ADGRB3: variants seen among roughly 807,000 people sequenced by gnomAD.
The protein encoded by ADGRB3 is brain-specific angiogenesis inhibitor 3.
ADGRB3 carries 37 observed loss-of-function variants against 193.4 expected under a neutral mutation model. The observed-to-expected ratio is 0.19, with a 90% CI of 0.15 to 0.25. ADGRB3 has a LOEUF of 0.25. ADGRB3 is among the 10% of genes least tolerant of loss of function. The pLI, the probability that ADGRB3 is intolerant of heterozygous loss-of-function variation, is 1.00. For synonymous variants in ADGRB3, 690 were observed against 644.2 expected, an observed-to-expected ratio of 1.07 and a Z score of -1.08; for missense variants, 1,637 against 1,852.9, an observed-to-expected ratio of 0.88 and a Z score of 2.14.
rs562203367 is a variant in ADGRB3 at position 68,847,835 on chromosome 6, T to C, written c.758-82724T>C. ...ATGAAATCAAAAGGAGTAAGTAAAA[T>C]GTAGAAAGTAAGTTCAGAAGGAAGT... is the stretch of plus-strand genomic sequence containing the variant. On this transcript the variant is annotated intron_variant, in intron 3 of 31. Coordinates refer to ENST00000370598, the MANE Select transcript of ADGRB3 (RefSeq NM_001704.3). 7.9e-5 allele frequency among the ~76,000 whole-genome samples: 12 copies of C among 151,474 alleles called. No homozygotes were observed. The East Asian group carries it at 2.1e-3, about 27-fold the overall frequency.
In ADGRB3 at chr6:68,729,132, C is replaced by T. The variant is rs141895678; in HGVS notation, c.757+89700C>T. Among the ~76,000 whole-genome samples, 219 of 151,584 alleles carry T rather than the reference C, an allele frequency of 1.4e-3. 2 individuals carry two copies. The highest frequency in any genetic ancestry group is 4.8e-3 in the African/African-American group (200 of 41,434). On this transcript the variant is annotated intron_variant, in intron 3 of 31. Transcript: ENST00000370598. ...AGGTTAATAAAAAGCATAATTAAAA[C>T]GGAGATATAAGTCATCTCACAGGAG...
At chr6:69,188,297 A>C (rs1765110044) in intron 17 of ADGRB3, among the ~76,000 whole-genome samples, 2 of 151,852 alleles carry the variant, frequency 1.3e-5, no homozygotes, top group Non-Finnish European at 2.9e-5. Flanking sequence ...CTATGTCTCC[A>C]TCCTGGAATT....
chr6:69,004,634 G>A (rs1023561099), intron 11 of ADGRB3, among the ~76,000 whole-genome samples: 12 of 144,694 alleles, frequency 8.3e-5, no homozygotes, highest in South Asian at 2.1e-4. Flanking sequence ...TCATTGTTCA[G>A]TTCCCACCTA....
intron 3 of ADGRB3, among the ~76,000 whole-genome samples, chr6:68,768,318 G>A (rs139324051): frequency 0.016 from 2,455 of 152,178 alleles, 60 homozygotes; most frequent in African/African-American, 0.054. Context: ...AACCAAAACA[G>A]CATGGTACTG....
intron 29 of ADGRB3, among the ~76,000 whole-genome samples, chr6:69,365,721 C>A (rs1314224013): frequency 1.3e-5 from 2 of 152,016 alleles, no homozygotes; most frequent in African/African-American, 2.4e-5. Flanking sequence ...TTTGTAATGG[C>A]CAGAAAGGAC....
intron 17 of ADGRB3, among the ~76,000 whole-genome samples, chr6:69,129,461 A>C (rs1582483390): frequency 6.6e-6 from 1 of 152,064 alleles, no homozygotes. Flanking sequence ...ACAAATAAGG[A>C]GAAAAGAGTT....
intron 30 of ADGRB3, among the ~76,000 whole-genome samples, chr6:69,379,853 A>G (rs1005378880): frequency 2.0e-5 from 3 of 152,020 alleles, no homozygotes; most frequent in South Asian, 4.1e-4. Context: ...TTTCTAGGTA[A>G]CAAGGGCCCC....
intron 16 of ADGRB3, among the ~76,000 whole-genome samples, chr6:69,072,164 C>T (rs980920981): frequency 7.2e-5 from 11 of 151,998 alleles, no homozygotes; most frequent in African/African-American, 2.2e-4. Flanking sequence ...TTCAAATGTT[C>T]GAACTATTGA....
At chr6:69,155,992 CA>C (rs1453965374) in intron 17 of ADGRB3, among the ~76,000 whole-genome samples, 1 of 151,872 alleles carries the variant, frequency 6.6e-6, no homozygotes, top group Non-Finnish European at 1.5e-5. Context: ...AAAATAAACA[CA>C]AAATAATTAT....
At chr6:69,094,964 T>G (rs1772831994) in intron 17 of ADGRB3, among the ~76,000 whole-genome samples, 1 of 152,186 alleles carries the variant, frequency 6.6e-6, no homozygotes, top group Non-Finnish European at 1.5e-5. Context: ...TTAAGCTACG[T>G]GAAGAGAACA....
intron 3 of ADGRB3, among the ~76,000 whole-genome samples, chr6:68,852,205 G>T (rs1242080078): frequency 1.3e-5 from 2 of 151,738 alleles, no homozygotes; most frequent in Admixed American, 1.3e-4. Context: ...AATCATGAGT[G>T]TCCAGATTTA....
At chr6:69,211,193 A>G (rs923475737) in intron 17 of ADGRB3, among the ~76,000 whole-genome samples, 3 of 152,248 alleles carry the variant, frequency 2.0e-5, no homozygotes, top group South Asian at 2.1e-4. Context: ...GAAAAGGGAG[A>G]AAGTTCTCTT....
intron 26 of ADGRB3, among the ~76,000 whole-genome samples, chr6:69,351,040 T>C (rs1769210967): frequency 6.6e-6 from 1 of 152,020 alleles, no homozygotes; most frequent in South Asian, 2.1e-4. Context: ...TTCCTGACAG[T>C]GTTGGACAAA....
intron 17 of ADGRB3, among the ~76,000 whole-genome samples, chr6:69,197,440 T>A (rs1765326084): frequency 1.3e-5 from 2 of 152,040 alleles, no homozygotes; most frequent in Non-Finnish European, 2.9e-5. Context: ...TGTTGAATTT[T>A]TAAGTTACCT....
At chr6:68,930,787 A>AT (rs940257297) in intron 4 of ADGRB3, 118 bp downstream of exon 4, 46 of 772,460 alleles carry the variant, frequency 6.0e-5, no homozygotes, top group South Asian at 1.6e-4. Context: ...TTTTCGAGCC[A>AT]TTTTTTTTGT....
At chr6:68,952,637 T>A (rs1022761513) in intron 6 of ADGRB3, among the ~76,000 whole-genome samples, 5 of 149,916 alleles carry the variant, frequency 3.3e-5, no homozygotes, top group African/African-American at 1.2e-4. Flanking sequence ...ACTCTAGAAC[T>A]TAAAGTATAA....
At chr6:68,797,868 C>A (rs557756866) in intron 3 of ADGRB3, among the ~76,000 whole-genome samples, 7 of 152,212 alleles carry the variant, frequency 4.6e-5, no homozygotes, top group Non-Finnish European at 8.8e-5. Flanking sequence ...GAAACTAAAA[C>A]CATATAATAA....
At chr6:69,327,751 G>T in intron 21 of ADGRB3, 69 bp from the exon 22 acceptor site, 1 of 1,368,290 alleles carries the variant, frequency 7.3e-7, no homozygotes. Flanking sequence ...GTTTGTTCTG[G>T]CTTTTCTTAG....
intron 8 of ADGRB3, among the ~76,000 whole-genome samples, chr6:68,964,182 C>G (rs1355186829): frequency 1.3e-5 from 2 of 152,046 alleles, no homozygotes; most frequent in African/African-American, 4.8e-5. Flanking sequence ...TGGTATGATT[C>G]ATCTTTCTTT....
Sources: gnomAD v4.1 joint callset for allele counts (sites outside exome capture counted in the v4.1 genomes callset) on GRCh38, gnomAD v4.1.1 for gene constraint, MANE v1.5 for transcripts, NCBI Gene and HGNC (gene_info 2026-07-23, HGNC 2026-07-21) for gene names.